The following PLCB3 variants were observed in gnomAD, a reference collection of about 807,000 sequenced individuals.
PLCB3 encodes phospholipase C beta 3.
PLCB3 carries 54 observed loss-of-function variants against 152.1 expected under a neutral mutation model. That is an observed-to-expected ratio of 0.36 (90% CI 0.29 to 0.45). The LOEUF (loss-of-function observed/expected upper bound fraction) is 0.45. PLCB3 is among the 20% of genes least tolerant of loss of function. PLCB3 has a pLI of 1.00. For missense variants in PLCB3, 1,248 were observed against 1,687.5 expected (o/e 0.74, Z 4.56); for synonymous variants, 717 against 698.7 (o/e 1.03, Z -0.41).
In PLCB3 at chr11:64,258,361, T is replaced by C; in HGVS notation, c.1013-112T>C. The C allele has an allele frequency of 8.0e-7, 1 of 1,245,390 alleles. No individual in the cohort carries two copies. Among genetic ancestry groups the C allele is most frequent in the Non-Finnish European group, 1.1e-6 (1 of 905,810 alleles). 77.1% of individuals were successfully genotyped at this position (1,245,390 alleles called of 1,614,324 possible). Reference sequence around the variant, plus strand: ...GATGGACAGGTGGTGGGTATCCATCTGAGAGATGGAGAGCCCTCTGCAAAT... The same window carrying C: ...GATGGACAGGTGGTGGGTATCCATCCGAGAGATGGAGAGCCCTCTGCAAAT... On this transcript the variant is annotated intron_variant, in intron 10 of 30. Coordinates refer to ENST00000279230, the MANE Select transcript of PLCB3 (RefSeq NM_000932.5). This position sits in a 1 kb window ranked among gnomAD's most constrained non-coding sequence, Gnocchi z 7.2.
chr11:64,264,036 T>C lies in PLCB3; in HGVS notation c.2576T>C (p.Leu859Pro). The C allele has an allele frequency of 6.4e-7, 1 of 1,573,834 alleles. No homozygotes were observed. The part of the protein sequence containing the change: ...PDDHQDYAEA[L>P]INPIKHVSLM... ...CTCCCCCCAGACTATGCGGAGGCCC[T>C]GATCAACCCCATTAAGCACGTCAGC... The change falls in exon 22 of 31, where the codon CTG becomes CCG. Residue 859 changes from leucine to proline, a missense_variant. Transcript: ENST00000279230.
chr11:64,268,458 A>G (rs2032249208), downstream of PLCB3: 1 of 152,202 alleles, frequency 6.6e-6, no homozygotes, highest in African/African-American at 2.4e-5. Flanking sequence ...TGGGCCACCC[A>G]GCATCCCCTC....
In PLCB3 at chr11:64,260,077, T is replaced by C; in HGVS notation, c.1574T>C (p.Val525Ala). 1.2e-6 allele frequency: 2 copies of C among 1,611,794 alleles called. No individual in the cohort carries two copies. The highest frequency in any genetic ancestry group is 1.7e-6 in the Non-Finnish European group (2 of 1,179,316). The stretch of plus-strand genomic sequence containing the variant: ...CCAGGCCTGAGCAATGGGGAGGAGG[T>C]AGGGCTTGAGAAGCCCAGCCTGGAG... The part of the protein sequence containing the change: ...SCPGLSNGEE[V>A]GLEKPSLEPQ... Residue 525 changes from valine to alanine, a missense_variant, in exon 14 of 31, where the codon GTA (valine) becomes GCA (alanine). Val to Ala is a moderately conservative substitution (Grantham distance 64). Around this residue, in one of 6 missense-constraint regions of PLCB3, gnomAD observed 105 missense variants for 100.9 expected, o/e 1.04. Transcript: ENST00000279230.
chr11:64,263,586 C>T lies in PLCB3; in HGVS notation c.2444C>T (p.Ala815Val), dbSNP rs2031962602. The T allele has an allele frequency of 6.2e-7, 1 of 1,611,690 alleles. No homozygotes were observed. ...GGGCACCGGATCCTGCCTGTCTCTG[C>T]CATCCGCTCCGGTGAGGCCTTGGTG... is the stretch of plus-strand genomic sequence containing the variant. ...FVGHRILPVS[A>V]IRSGYHYVCL... The change falls in exon 20 of 31, where the codon GCC (alanine) becomes GTC (valine). Residue 815 changes from alanine (A) to valine (V), a missense_variant. By Grantham distance (64) the Ala-to-Val change is moderately conservative (BLOSUM62 0). This residue lies in a region of PLCB3 where 244 missense variants were observed against 424.4 expected (regional missense o/e 0.57). Transcript: ENST00000279230.
At position 64,262,493 on chromosome 11, in the gene PLCB3, G is replaced by C; in HGVS notation, c.2125G>C (p.Asp709His). 1 of 1,613,994 alleles carries C rather than the reference G, an allele frequency of 6.2e-7. No homozygotes were observed. The highest frequency in any genetic ancestry group is 1.1e-5 in the South Asian group (1 of 91,090). ...CAAGCCGGAGTTCATGCGGCGGCCGGACAAGTCCTTCGACCCCTTCACTGA... is the reference window on the plus strand; with the variant it reads ...CAAGCCGGAGTTCATGCGGCGGCCGCACAAGTCCTTCGACCCCTTCACTGA... ...LLKPEFMRRP[D>H]KSFDPFTEVI... The change falls in exon 18 of 31, where the codon GAC becomes CAC. Residue 709 changes from aspartate to histidine, a missense_variant. Around this residue, in one of 6 missense-constraint regions of PLCB3, gnomAD observed 244 missense variants for 424.4 expected, o/e 0.57. Transcript: ENST00000279230.
chr11:64,262,181 C>T, intron 17 of PLCB3, 105 bp downstream of exon 17: 1 of 1,507,838 alleles, frequency 6.6e-7, no homozygotes, highest in Middle Eastern at 1.7e-4. Flanking sequence ...CCTGTCTCAT[C>T]CCAGATCCCA....
chr11:64,261,731 T>C, intron 16 of PLCB3, 66 bp downstream of exon 16: 1 of 1,497,412 alleles, frequency 6.7e-7, no homozygotes, highest in Middle Eastern at 1.9e-4. Flanking sequence ...GCTCCGGTGT[T>C]CTGTCCCCAC....
Position 64,267,091 on chromosome 11 carries a change from G to A in PLCB3, c.3415-94G>A. The A allele has an allele frequency of 9.0e-7, 1 of 1,115,954 alleles. No individual in the cohort carries two copies. The highest frequency in any genetic ancestry group is 1.3e-6 in the Non-Finnish European group (1 of 757,702). The allele number at this position is 1,115,954 out of a possible 1,614,324, so 69.1% of individuals were successfully genotyped here. A position where few individuals can be genotyped will look rare whatever the true frequency, so the allele number is the denominator to read the frequency against. ...TTATAGATGTGAGCCACTGCACCCG[G>A]CCTCGCCCACCTGACTTCTATACCC... On this transcript the variant is annotated intron_variant, in intron 29 of 30. Transcript: ENST00000279230. This position sits in a 1 kb window ranked among gnomAD's most constrained non-coding sequence, Gnocchi z 5.2.
In PLCB3 at chr11:64,262,685, C is replaced by T. The variant is rs2031916221; in HGVS notation, c.2232C>T (p.Gly744=). The change falls in exon 19 of 31, where the codon GGC becomes GGT. Residue 744 remains glycine (G), a synonymous_variant. Transcript: ENST00000279230. ...SGQFLSDRKV[G]IYVEVDMFGL... Reference sequence around the variant, plus strand: ...AGTTCCTGTCCGACAGGAAGGTGGGCATCTACGTGGAGGTGGACATGTTTG... The same window carrying T: ...AGTTCCTGTCCGACAGGAAGGTGGGTATCTACGTGGAGGTGGACATGTTTG... 1 of 1,614,014 alleles carries T rather than the reference C, an allele frequency of 6.2e-7. No homozygotes were observed. The highest frequency in any genetic ancestry group is 8.5e-7 in the Non-Finnish European group (1 of 1,180,030).
At chr11:64,251,988 C>T (rs2031231342) in intron 1 of PLCB3, among the ~76,000 whole-genome samples, 1 of 151,996 alleles carries the variant, frequency 6.6e-6, no homozygotes, top group Admixed American at 6.6e-5. Context: ...GACTTTGAAC[C>T]CCAATAAACC....
rs1478264705 is a variant in PLCB3, at chr11:64,254,484, C to T, written c.169C>T (p.Pro57Ser). The T allele has an allele frequency of 6.2e-7, 1 of 1,613,764 alleles. No homozygotes were observed. The highest frequency in any genetic ancestry group is 1.7e-5 in the Admixed American group (1 of 60,024). ...TGGCTTCTTCTTGTACTGGACGGGC[C>T]CCAACATGGTGAGGGTGGGCGCTGG... ...PNGFFLYWTG[P>S]NMEVDTLDIS... is the part of the protein sequence containing the mutation. Residue 57 changes from proline to serine, a missense_variant, in exon 2 of 31, where the codon CCC (proline) becomes TCC (serine). Physicochemically the swap from Pro to Ser is moderately conservative, Grantham distance 74 (BLOSUM62 -1). Coordinates refer to ENST00000279230, the MANE Select transcript of PLCB3 (RefSeq NM_000932.5).
Position 64,267,771 on chromosome 11 carries a change from C to A in PLCB3, c.*215C>A, listed in dbSNP as rs1449190173. On this transcript the variant is annotated 3_prime_UTR_variant, in exon 31 of 31. Coordinates refer to ENST00000279230, the MANE Select transcript of PLCB3 (RefSeq NM_000932.5). The surrounding 1 kb of genome is among the most constrained non-coding windows in gnomAD (Gnocchi z 5.2). Reference sequence around the variant, plus strand: ...GGTTAGGGCCTTGGTCAGGGCTTTGCTCCCTGTGACACCCACACCCTCGAG... The same window carrying A: ...GGTTAGGGCCTTGGTCAGGGCTTTGATCCCTGTGACACCCACACCCTCGAG... The A allele has an allele frequency of 1.9e-5, 10 of 523,188 alleles. No individual in the cohort carries two copies. The highest frequency in any genetic ancestry group is 5.0e-4 in the Middle Eastern group (1 of 2,002). The allele number at this position is 523,188 out of a possible 1,614,324, so 32.4% of individuals were successfully genotyped here. A position where few individuals can be genotyped will look rare whatever the true frequency, so the allele number is the denominator to read the frequency against.
chr11:64,256,347 A>C (rs997737542), intron 8 of PLCB3, 29 bp from the exon 9 acceptor site: 3 of 1,608,532 alleles, frequency 1.9e-6, no homozygotes. Context: ...GCCAGGCTCC[A>C]TCCTGACCCA....
intron 2 of PLCB3, 72 bp from the exon 3 acceptor site, chr11:64,254,676 T>C: frequency 1.3e-6 from 2 of 1,534,620 alleles, no homozygotes; most frequent in Non-Finnish European, 1.8e-6. Context: ...CTGGCCTGGG[T>C]AGAGAGCTTG....
chr11:64,251,842 C>G, intron 1 of PLCB3, 94 bp downstream of exon 1: 5 of 669,416 alleles, frequency 7.5e-6, no homozygotes, highest in Non-Finnish European at 1.1e-5. Flanking sequence ...CCTCGCCTGC[C>G]CGTGGCGCCA....
chr11:64,263,791 C>G lies in PLCB3; in HGVS notation c.2556C>G (p.His852Gln). 6.2e-7 allele frequency: 1 copy of G among 1,611,606 alleles called. No individual in the cohort carries two copies. Among genetic ancestry groups the G allele is most frequent in the Non-Finnish European group, 8.5e-7 (1 of 1,178,618 alleles). Residue 852 changes from histidine to glutamine, a missense_variant, in exon 21 of 31, where the codon CAC becomes CAG. Transcript: ENST00000279230. The part of the protein sequence containing the change: ...TEASDYIPDD[H>Q]QDYAEALINP... ...CCTCGGACTACATTCCTGACGACCA[C>G]CAGGGTGAGCTGGGGGTGGGCGGGG...
chr11:64,255,722 G>A lies in PLCB3; in HGVS notation c.599G>A (p.Ser200Asn), dbSNP rs1317920964. 2.5e-6 allele frequency: 4 copies of A among 1,613,666 alleles called. No individual in the cohort carries two copies. Residue 200 changes from serine to asparagine, a missense_variant and splice_region_variant, in exon 8 of 31, where the codon AGT (serine) becomes AAT (asparagine). Physicochemically the swap from Ser to Asn is conservative, Grantham distance 46. This residue lies in a region of PLCB3 where 299 missense variants were observed against 434.7 expected (regional missense o/e 0.69). Transcript: ENST00000279230. This position sits in a 1 kb window ranked among gnomAD's most constrained non-coding sequence, Gnocchi z 6.8. ...LESCGLKFNR[S>N]ESIRPDEFSL... ...CACCCCACACTCCTCGACCTCCAGA[G>A]TGAGTCCATCCGGCCTGATGAGTTT...
Position 64,258,835 on chromosome 11 carries a change from A to G in PLCB3, c.1254-50A>G. ...GCCACTGACATGTCCCGTAGACCTC[A>G]GCTTCCTCTCTGGGGGAGGGATCTC... On this transcript the variant is annotated intron_variant, in intron 11 of 30. Transcript: ENST00000279230. The surrounding 1 kb of genome is among the most constrained non-coding windows in gnomAD (Gnocchi z 7.2). 1 of 1,609,910 alleles carries G rather than the reference A, an allele frequency of 6.2e-7. No individual in the cohort carries two copies. Among genetic ancestry groups the G allele is most frequent in the Non-Finnish European group, 8.5e-7 (1 of 1,176,348 alleles).
In PLCB3 at chr11:64,266,339, C is replaced by A; in HGVS notation, c.3291C>A (p.Ile1097=). Residue 1097 remains isoleucine (I), a synonymous_variant, in exon 28 of 31, where the codon ATC becomes ATA. Coordinates refer to ENST00000279230, the MANE Select transcript of PLCB3 (RefSeq NM_000932.5). This position sits in a 1 kb window ranked among gnomAD's most constrained non-coding sequence, Gnocchi z 4.9. ...GGGAGAAGAAGGAGCTGCAGAAGATCCTGGACAGAAAGCGCCATAACAGCA... is the reference window on the plus strand; with the variant it reads ...GGGAGAAGAAGGAGCTGCAGAAGATACTGGACAGAAAGCGCCATAACAGCA... ...NEREKKELQK[I]LDRKRHNSIS... is the part of the protein sequence containing the mutation. 1 of 1,613,118 alleles carries A rather than the reference C, an allele frequency of 6.2e-7. No homozygotes were observed. The highest frequency in any genetic ancestry group is 8.5e-7 in the Non-Finnish European group (1 of 1,179,774).
Sources: allele counts gnomAD v4.1 joint callset (sites outside exome capture counted in the v4.1 genomes callset), GRCh38; gene constraint gnomAD v4.1.1; regional missense constraint gnomAD v4.1.1; non-coding constraint Gnocchi (gnomAD v3.1); transcripts MANE v1.5; gene names NCBI Gene and HGNC (gene_info 2026-07-23, HGNC 2026-07-21).